Variants in KLHL22 observed in about 807,000 individuals in gnomAD.
KLHL22 encodes kelch-like protein 22.
In KLHL22, 18 loss-of-function variants were observed where a neutral mutation model predicts 60.7. The ratio of observed to expected loss-of-function variants is 0.30; its 90% confidence interval spans 0.20 to 0.44. The LOEUF (loss-of-function observed/expected upper bound fraction) is 0.44. Among genes scored for constraint, KLHL22 ranks in the 20% least tolerant of loss-of-function variants. The probability of loss-of-function intolerance (pLI) is 1.00; values close to 1 mark genes in which losing one functional copy is unlikely to be tolerated. For synonymous variants in KLHL22, 355 were observed against 354.5 expected, an observed-to-expected ratio of 1.00 and a Z score of -0.01; for missense variants, 596 against 852.3, an observed-to-expected ratio of 0.70 and a Z score of 3.74.
At chr22:20,472,121 T>A (rs1344319593) in intron 2 of KLHL22, among the ~76,000 whole-genome samples, 1 of 151,518 alleles carries the variant, frequency 6.6e-6, no homozygotes, top group East Asian at 2.0e-4. Context: ...ATGTTGTGCA[T>A]CTGTAGTCCC....
chr22:20,482,506 C>T (rs1000538582), intron 2 of KLHL22, among the ~76,000 whole-genome samples: 3 of 152,134 alleles, frequency 2.0e-5, no homozygotes, highest in Non-Finnish European at 4.4e-5. Context: ...GATCCTCCCA[C>T]CTCGGCCTCC....
intron 4 of KLHL22, among the ~76,000 whole-genome samples, chr22:20,461,890 G>C (rs2146209219): frequency 6.6e-6 from 1 of 152,252 alleles, no homozygotes; most frequent in East Asian, 1.9e-4. Flanking sequence ...CCTGAGGTCA[G>C]GAGTTCAAGA....
chr22:20,455,045 C>G (rs2053041039), intron 5 of KLHL22, among the ~76,000 whole-genome samples: 1 of 152,100 alleles, frequency 6.6e-6, no homozygotes, highest in East Asian at 1.9e-4. Context: ...CCATGCTCAG[C>G]TAATTTTTGT....
intron 6 of KLHL22, among the ~76,000 whole-genome samples, chr22:20,443,286 A>C (rs2052794505): frequency 6.6e-6 from 1 of 152,154 alleles, no homozygotes; most frequent in South Asian, 2.1e-4. Context: ...CTAGTTCCTA[A>C]TCTCCAGAAT....
At chr22:20,462,206 G>A (rs2053165835) in intron 4 of KLHL22, among the ~76,000 whole-genome samples, 1 of 151,036 alleles carries the variant, frequency 6.6e-6, no homozygotes, top group Admixed American at 6.6e-5. Flanking sequence ...GAACCCGGGA[G>A]GCAGAGGTTG....
rs79375451 is a variant in KLHL22, at chr22:20,490,909, C to T, written c.-33-1665G>A. Among the ~76,000 whole-genome samples, 124 of 152,248 alleles carry T rather than the reference C, an allele frequency of 8.1e-4. 2 individuals are homozygous for T. The East Asian group carries it at 0.018, about 23-fold the overall frequency. On this transcript the variant is annotated intron_variant, in intron 1 of 6. Coordinates refer to ENST00000328879, the MANE Select transcript of KLHL22 (RefSeq NM_032775.4). The stretch of plus-strand genomic sequence containing the variant: ...AGGTCTGAGGCCTGGGGGTTGCGGA[C>T]CCCTGCTCTAATTCAACTCTAACAC...
chr22:20,462,790 A>G (rs2053176783), intron 4 of KLHL22, among the ~76,000 whole-genome samples: 1 of 152,212 alleles, frequency 6.6e-6, no homozygotes, highest in Non-Finnish European at 1.5e-5. Context: ...GATGCAGATA[A>G]TATAGATGCA....
intron 3 of KLHL22, among the ~76,000 whole-genome samples, chr22:20,466,051 C>A (rs1452959505): frequency 3.3e-5 from 5 of 152,154 alleles, no homozygotes; most frequent in African/African-American, 1.2e-4. Flanking sequence ...GGAGTGGACC[C>A]TTGATATATG....
At position 20,471,532 on chromosome 22, in the gene KLHL22, C is replaced by T. The variant is rs1348694669; in HGVS notation, c.228-17G>A. On this transcript the variant is annotated splice_polypyrimidine_tract_variant and intron_variant, in intron 2 of 6. Transcript: ENST00000328879. The stretch of plus-strand genomic sequence containing the variant: ...AACATTCCTCTGCAAAGTGAAGACA[C>T]AAGAAAATGGAGTTATACCAACAGG... 2 of 1,611,178 alleles carry T rather than the reference C, an allele frequency of 1.2e-6. No individual in the cohort carries two copies. The highest frequency in any genetic ancestry group is 1.7e-6 in the Non-Finnish European group (2 of 1,178,388).
chr22:20,487,440 T>G (rs1014685684), intron 2 of KLHL22, among the ~76,000 whole-genome samples: 1 of 151,276 alleles, frequency 6.6e-6, no homozygotes, highest in Non-Finnish European at 1.5e-5. Flanking sequence ...CAGGCTAGTC[T>G]CAAACTCCTG....
intron 5 of KLHL22, among the ~76,000 whole-genome samples, chr22:20,454,806 T>G (rs965648705): frequency 2.0e-5 from 3 of 152,192 alleles, no homozygotes; most frequent in African/African-American, 7.2e-5. Flanking sequence ...TCTCCATCTA[T>G]TCACATCTTC....
At chr22:20,458,025 C>T (rs2053091369) in intron 4 of KLHL22, 25 bp from the exon 5 acceptor site, 2 of 1,612,200 alleles carry the variant, frequency 1.2e-6, no homozygotes, top group East Asian at 2.2e-5. Context: ...GAGGAAAGCA[C>T]AGCACTGACT....
intron 5 of KLHL22, chr22:20,450,856 C>T: frequency 6.2e-7 from 1 of 1,608,162 alleles, no homozygotes; most frequent in South Asian, 1.1e-5. Context: ...CTATGGTTTA[C>T]AATGCAGGGA....
At chr22:20,489,682 G>A in intron 1 of KLHL22, 1 of 471,070 alleles carries the variant, frequency 2.1e-6, no homozygotes, top group South Asian at 1.5e-5. Context: ...GCACACACCA[G>A]GTTCTCAAGA....
chr22:20,460,693 A>C (rs2146206145), intron 4 of KLHL22, among the ~76,000 whole-genome samples: 1 of 149,314 alleles, frequency 6.7e-6, no homozygotes, highest in East Asian at 2.0e-4. Flanking sequence ...ACATAGCCAA[A>C]GTTACACTGA....
At chr22:20,488,657 TAC>T in intron 2 of KLHL22, 1 of 231,536 alleles carries the variant, frequency 4.3e-6, no homozygotes, top group Non-Finnish European at 8.0e-6. Context: ...CAGCAATAAT[TAC>T]TGACGGAGGG....
chr22:20,492,794 G>A (rs1171497940), intron 1 of KLHL22, among the ~76,000 whole-genome samples: 1 of 152,044 alleles, frequency 6.6e-6, no homozygotes, highest in Non-Finnish European at 1.5e-5. Flanking sequence ...GTTTCACCAT[G>A]TTGGTCAGGC....
chr22:20,446,835 AT>A (rs1038783764), intron 5 of KLHL22, among the ~76,000 whole-genome samples, 159 bp from the exon 6 acceptor site: 19 of 152,230 alleles, frequency 1.2e-4, no homozygotes, highest in African/African-American at 4.3e-4. Flanking sequence ...CTCGATTCTC[AT>A]GGGACATACT....
chr22:20,458,199 C>A (rs2053094809), intron 4 of KLHL22, among the ~76,000 whole-genome samples, 199 bp from the exon 5 acceptor site: 1 of 152,084 alleles, frequency 6.6e-6, no homozygotes, highest in South Asian at 2.1e-4. Context: ...TGCTCCCCAC[C>A]ACACAGCATG....
Sources: allele counts gnomAD v4.1 joint callset (sites outside exome capture counted in the v4.1 genomes callset), GRCh38; gene constraint gnomAD v4.1.1; transcripts MANE v1.5; gene names NCBI Gene and HGNC (gene_info 2026-07-23, HGNC 2026-07-21).